Variants in ZNF550 observed in about 807,000 individuals in gnomAD.
ZNF550 encodes zinc finger protein 550.
A neutral mutation model predicts 40.2 loss-of-function variants in ZNF550; 42 were observed. The ratio of observed to expected loss-of-function variants is 1.05; its 90% CI spans 0.82 to 1.35. The LOEUF (loss-of-function observed/expected upper bound fraction) is 1.35, where lower values mean the gene tolerates loss of function less well. Ranked by LOEUF, ZNF550 falls within the 40% of genes most tolerant of loss-of-function variation. ZNF550 has a pLI of 0.00. For missense variants in ZNF550, 549 were observed against 525.2 expected, an observed-to-expected ratio of 1.05 and a Z score of -0.44; for synonymous variants, 223 against 198.6, an observed-to-expected ratio of 1.12 and a Z score of -1.03.
chr19:57,557,569 A>G (rs2090133911), intron 1 of ZNF550: 1 of 152,080 alleles, frequency 6.6e-6, no homozygotes, highest in African/African-American at 2.4e-5. Context: ...GGTCCTCCAT[A>G]TGCTGAGTGC....
intron 3 of ZNF550, among the ~76,000 whole-genome samples, chr19:57,549,882 C>A (rs368240367): frequency 2.6e-5 from 4 of 152,286 alleles, no homozygotes; most frequent in African/African-American, 9.6e-5. Flanking sequence ...CAGTTCAAAT[C>A]CTGCCTGTGT....
At position 57,551,022 on chromosome 19, in the gene ZNF550, A is replaced by G. The variant is rs966343597; in HGVS notation, c.250+1605T>C. 8.5e-5 allele frequency among the ~76,000 whole-genome samples: 13 copies of G among 152,070 alleles called. No individual in the cohort carries two copies. In the South Asian group the frequency reaches 2.7e-3, roughly 32 times the overall value. ...CACTTTCTGGTTTTGTATTGTGCACACTTTTTATTTGAATATAGATAAGTT... is the reference window on the plus strand; with the variant it reads ...CACTTTCTGGTTTTGTATTGTGCACGCTTTTTATTTGAATATAGATAAGTT... On this transcript the variant is annotated intron_variant, in intron 3 of 4. Coordinates refer to ENST00000457177, the Ensembl canonical transcript of ZNF550.
chr19:57,556,733 A>C (rs2090124977), intron 1 of ZNF550: 1 of 209,548 alleles, frequency 4.8e-6, no homozygotes, highest in Non-Finnish European at 9.7e-6. Context: ...AATAGATCAG[A>C]CCGTTACTGT....
rs747779325 is a variant in ZNF550 at position 57,546,348 on chromosome 19, T to TAAAAA, written c.*518+104_*518+108dup. 399 of 265,590 alleles carry TAAAAA rather than the reference T, an allele frequency of 1.5e-3. 2 individuals are homozygous for TAAAAA. The highest frequency in any genetic ancestry group is 9.0e-3 in the African/African-American group (363 of 40,180). 16.5% of individuals were successfully genotyped at this position (265,590 alleles called of 1,614,324 possible). A position where few individuals can be genotyped will look rare whatever the true frequency, so the allele number is the denominator to read the frequency against. ...ACAAAGGATGGCAGTGAATGTATGT[T>TAAAAA]AAAAAAAAAAAAAAGGAATAAAACC... On this transcript the variant is annotated intron_variant, in intron 4 of 4. Coordinates refer to ENST00000457177, the Ensembl canonical transcript of ZNF550.
upstream of ZNF550, among the ~76,000 whole-genome samples, chr19:57,560,774 A>T (rs1038596551): frequency 1.3e-5 from 2 of 152,150 alleles, no homozygotes; most frequent in South Asian, 4.1e-4. Flanking sequence ...CAATGAGTGT[A>T]TAATTAGGTC....
chr19:57,550,974 TTTTG>T (rs1341159150), intron 3 of ZNF550, among the ~76,000 whole-genome samples: 1 of 152,246 alleles, frequency 6.6e-6, no homozygotes, highest in Non-Finnish European at 1.5e-5. Context: ...GTACACTTTT[TTTTG>T]TTTGTTTAAA....
At chr19:57,549,629 G>C (rs536272656) in intron 3 of ZNF550, among the ~76,000 whole-genome samples, 2 of 152,238 alleles carry the variant, frequency 1.3e-5, no homozygotes, top group African/African-American at 4.8e-5. Flanking sequence ...GTGGGCAATG[G>C]GTTGAAGGTG....
exon 4 of ZNF550, chr19:57,547,500 C>T (rs1312548041): frequency 6.2e-7 from 1 of 1,613,988 alleles, no homozygotes; most frequent in South Asian, 1.1e-5. Flanking sequence ...TGAGGTAGTG[C>T]CGAATGAGAG....
At chr19:57,545,531 A>G (rs149191674) in intron 4 of ZNF550, among the ~76,000 whole-genome samples, 2 of 152,322 alleles carry the variant, frequency 1.3e-5, no homozygotes, top group Non-Finnish European at 2.9e-5. Context: ...TGCCAGAGAA[A>G]ATAAAGACAA....
chr19:57,548,093 C>G, intron 3 of ZNF550, 100 bp from the exon 4 acceptor site: 4 of 1,099,486 alleles, frequency 3.6e-6, no homozygotes, highest in Non-Finnish European at 5.2e-6. Flanking sequence ...GAAAATAGTG[C>G]CTATGATACT....
chr19:57,546,811 G>C lies in ZNF550; in HGVS notation c.*164C>G, dbSNP rs941553449. On this transcript the variant is annotated 3_prime_UTR_variant, in exon 4 of 5. Transcript: ENST00000457177. ...TATTCACAGGGCTTCTCTCCAAAGT[G>C]ACTGCTCATGTGTTAGTTAAGAAAG... The C allele has an allele frequency of 1.3e-5, 18 of 1,399,550 alleles. No homozygotes were observed. In the East Asian group the frequency reaches 4.6e-4, roughly 35 times the overall value. The allele number at this position is 1,399,550 out of a possible 1,614,324, so 86.7% of individuals were successfully genotyped here.
At position 57,552,648 on chromosome 19, in the gene ZNF550, G is replaced by A. The variant is rs779846697; in HGVS notation, c.229C>T (p.Leu77Phe). The A allele has an allele frequency of 5.6e-6, 9 of 1,597,828 alleles. No homozygotes were observed. In the South Asian group the frequency reaches 7.7e-5, roughly 14 times the overall value. Residue 77 changes from leucine to phenylalanine, a missense_variant, in exon 3 of 5, where the codon CTC (leucine) becomes TTC (phenylalanine). Physicochemically the swap from Leu to Phe is conservative, Grantham distance 22. Transcript: ENST00000457177. ...TTACCTGCACAGGTAGCATGTGAGA[G>A]GCCTCTCTTCACTATCCACAGCTCC...
intron 3 of ZNF550, among the ~76,000 whole-genome samples, chr19:57,550,100 ACTAG>A (rs1412282108): frequency 6.6e-6 from 1 of 152,218 alleles, no homozygotes; most frequent in African/African-American, 2.4e-5. Context: ...TGCCAGTGAC[ACTAG>A]CAAGAACAAC....
At chr19:57,559,409 G>A (rs1568602805) in intron 1 of ZNF550, among the ~76,000 whole-genome samples, 1 of 152,196 alleles carries the variant, frequency 6.6e-6, no homozygotes, top group Admixed American at 6.5e-5. Context: ...CCTCTCACCT[G>A]TGAGGGGTTC....
chr19:57,547,418 G>C, exon 4 of ZNF550: 1 of 1,613,868 alleles, frequency 6.2e-7, no homozygotes. Context: ...GGATGGTGCT[G>C]CATGAGGTAC....
exon 4 of ZNF550, chr19:57,547,753 G>A (rs1260262633): frequency 3.7e-6 from 6 of 1,614,110 alleles, no homozygotes; most frequent in Non-Finnish European, 5.1e-6. Flanking sequence ...ACCATCATCT[G>A]TCCCCAAACC....
rs201743828 is a variant in ZNF550, at chr19:57,559,830, C to T, written c.-148G>A. 4 of 613,508 alleles carry T rather than the reference C, an allele frequency of 6.5e-6. No individual in the cohort carries two copies. The East Asian group carries it at 1.4e-4, about 21-fold the overall frequency. 38.0% of individuals were successfully genotyped at this position (613,508 alleles called of 1,614,324 possible). A position where few individuals can be genotyped will look rare whatever the true frequency, so the allele number is the denominator to read the frequency against. On this transcript the variant is annotated 5_prime_UTR_variant, in exon 1 of 5. Transcript: ENST00000457177. ...GAGAGCGCGGACCAACACGCCCCAC[C>T]ACAAACGTCCACGCCAGCGAGGCCG...
rs1293828652 is a variant in ZNF550, at chr19:57,547,226, C to A, written c.1018G>T (p.Glu340Ter). The A allele has an allele frequency of 6.2e-7, 1 of 1,614,160 alleles. No homozygotes were observed. Among genetic ancestry groups the A allele is most frequent in the Admixed American group, 1.7e-5 (1 of 60,026 alleles). ...CATGCCATGCAATCATAGGGCTTCT[C>A]TCCAGTGTGGATGATGTAATGTTGA... Residue 340 changes from glutamate (E) to a stop codon, truncating the protein, a stop_gained, in exon 4 of 5, where the codon GAG becomes TAG. Transcript: ENST00000457177. LOFTEE classifies it high-confidence loss of function.
intron 1 of ZNF550, 151 bp from the exon 2 acceptor site, chr19:57,556,508 G>T: frequency 1.1e-6 from 1 of 944,026 alleles, no homozygotes; most frequent in Non-Finnish European, 1.6e-6. Context: ...GCTCAAAGGG[G>T]AGGCAGATAC....
Sources: gnomAD v4.1 joint callset for allele counts (sites outside exome capture counted in the v4.1 genomes callset) on GRCh38, gnomAD v4.1.1 for gene constraint, MANE v1.5 for transcripts, NCBI Gene and HGNC (gene_info 2026-07-23, HGNC 2026-07-21) for gene names.